Variants in PSMD13 observed in about 807,000 individuals in gnomAD.
PSMD13 encodes 26S proteasome non-ATPase regulatory subunit 13.
In PSMD13, 8 loss-of-function variants were observed where a neutral mutation model predicts 57.4. That is an observed-to-expected ratio of 0.14 (90% confidence interval 0.08 to 0.25). The LOEUF (loss-of-function observed/expected upper bound fraction) is 0.25, where lower values mean the gene tolerates loss of function less well. PSMD13 is among the 10% of genes least tolerant of loss of function. The probability of loss-of-function intolerance (pLI) is 1.00; values close to 1 mark genes in which losing one functional copy is unlikely to be tolerated. For missense variants in PSMD13, 400 were observed against 461.5 expected (o/e 0.87, Z 1.22); for synonymous variants, 193 against 168.2 (o/e 1.15, Z -1.14).
chr11:245,676 G>T (rs12800039), intron 6 of PSMD13, among the ~76,000 whole-genome samples: 1 of 122,664 alleles, frequency 8.2e-6, no homozygotes, highest in African/African-American at 3.2e-5. Context: ...GTGTGTGTGT[G>T]TGTGTTTGCA....
At chr11:249,805 CTG>C (rs1160317666) in intron 9 of PSMD13, among the ~76,000 whole-genome samples, 1 of 152,052 alleles carries the variant, frequency 6.6e-6, no homozygotes. Flanking sequence ...AAAATGTTAA[CTG>C]TGGTAGGAAT....
rs575334060 is a variant in PSMD13, at chr11:251,876, C to T, written c.975C>T (p.Asp325=). ...TGGGGCTGGTGAAAGGCAGTATAGA[C>T]GAGGTGGACAAACGAGTCCACATGA... ...LSVGLVKGSI[D]EVDKRVHMTW... Residue 325 remains aspartate, a synonymous_variant, in exon 12 of 13, where the codon GAC becomes GAT. Transcript: ENST00000532097. The surrounding 1 kb of genome is among the most constrained non-coding windows in gnomAD (Gnocchi z 4.6). 31 of 1,614,142 alleles carry T rather than the reference C, an allele frequency of 1.9e-5. No homozygotes were observed. Among genetic ancestry groups the T allele is most frequent in the African/African-American group, 1.7e-4 (13 of 75,030 alleles).
chr11:250,667 T>A, intron 9 of PSMD13, 136 bp from the exon 10 acceptor site: 2 of 698,388 alleles, frequency 2.9e-6, no homozygotes, highest in South Asian at 1.6e-5. Context: ...TTCAGCAGTC[T>A]GCAATGTGAA....
In PSMD13 at chr11:252,074, T is replaced by C. The variant is rs1859774983; in HGVS notation, c.1035+138T>C. On this transcript the variant is annotated intron_variant, in intron 12 of 12. Coordinates refer to ENST00000532097, the MANE Select transcript of PSMD13 (RefSeq NM_002817.4). The surrounding 1 kb of genome is among the most constrained non-coding windows in gnomAD (Gnocchi z 4.1). ...GAGGTTTTGGAGAAGGAAATACTGC[T>C]GTTGGGTTTTTCTAAGAGCCTAATT... is the stretch of plus-strand genomic sequence containing the variant. 1.2e-6 allele frequency: 1 copy of C among 805,264 alleles called. No homozygotes were observed. Among genetic ancestry groups the C allele is most frequent in the South Asian group, 1.7e-5 (1 of 58,682 alleles). 49.9% of individuals were successfully genotyped at this position (805,264 alleles called of 1,614,324 possible).
Position 247,259 on chromosome 11 carries a change from T to C in PSMD13, c.397-18T>C, listed in dbSNP as rs1238652678. On this transcript the variant is annotated intron_variant, in intron 6 of 12. Transcript: ENST00000532097. ...CTTTTAACTTAAAAAGAGAGATGATTTTCCTTCCTGTGTATAGGAAACAAT... is the reference window on the plus strand; with the variant it reads ...CTTTTAACTTAAAAAGAGAGATGATCTTCCTTCCTGTGTATAGGAAACAAT... 6.3e-7 allele frequency: 1 copy of C among 1,587,380 alleles called. No individual in the cohort carries two copies. The highest frequency in any genetic ancestry group is 8.6e-7 in the Non-Finnish European group (1 of 1,168,986).
rs776471483 is a variant in PSMD13, at chr11:244,740, C to T, written c.375C>T (p.Ile125=). The change falls in exon 6 of 13, where the codon ATC becomes ATT. Residue 125 remains isoleucine (I), a synonymous_variant. Coordinates refer to ENST00000532097, the MANE Select transcript of PSMD13 (RefSeq NM_002817.4). ...CAATTGGAGCTCTAAAATTAAACAT[C>T]GGGGACCTACAGGTTACAAAGGTGA... ...KTAIGALKLN[I]GDLQVTKETI... 42 of 1,612,798 alleles carry T rather than the reference C, an allele frequency of 2.6e-5. No individual in the cohort carries two copies. The highest frequency in any genetic ancestry group is 4.4e-5 in the South Asian group (4 of 91,008).
At position 251,422 on chromosome 11, in the gene PSMD13, T is replaced by G. The variant is rs1424135086; in HGVS notation, c.838-124T>G. On this transcript the variant is annotated intron_variant, in intron 10 of 12. Transcript: ENST00000532097. The surrounding 1 kb of genome is among the most constrained non-coding windows in gnomAD (Gnocchi z 4.6). ...AGATATATGTCTAATATTAGGAAAC[T>G]TTTTAGTATGTGGGGTACTAATAAG... The G allele has an allele frequency of 2.8e-5, 23 of 835,854 alleles. No homozygotes were observed. Among genetic ancestry groups the G allele is most frequent in the Non-Finnish European group, 4.1e-5 (22 of 540,262 alleles). 51.8% of individuals were successfully genotyped at this position (835,854 alleles called of 1,614,324 possible).
Position 249,553 on chromosome 11 carries a change from A to AGAGCGGCGGGTGCGGGGAGGG in PSMD13, c.774+498_774+518dup, listed in dbSNP as rs1182479107. Among the ~76,000 whole-genome samples, 218 of 116,562 alleles carry AGAGCGGCGGGTGCGGGGAGGG rather than the reference A, an allele frequency of 1.9e-3. 4 individuals carry two copies. Among genetic ancestry groups the AGAGCGGCGGGTGCGGGGAGGG allele is most frequent in the African/African-American group, 6.6e-3 (212 of 32,134 alleles). 76.5% of individuals were successfully genotyped at this position (116,562 alleles called of 152,430 possible). On this transcript the variant is annotated intron_variant, in intron 9 of 12. Coordinates refer to ENST00000532097, the MANE Select transcript of PSMD13 (RefSeq NM_002817.4). ...GAGAGCGGTGGGTGCAGGGAGGGGG[A>AGAGCGGCGGGTGCGGGGAGGG]GAGCGGCGGGTGCGGGGAGGGGGAG...
chr11:243,559 G>T (rs1490145979), intron 2 of PSMD13: 3 of 351,738 alleles, frequency 8.5e-6, no homozygotes, highest in African/African-American at 4.3e-5. Context: ...CTTCCACAGT[G>T]GTCTTCTTAT....
intron 2 of PSMD13, chr11:242,977 G>A: frequency 4.7e-6 from 1 of 214,062 alleles, no homozygotes; most frequent in Non-Finnish European, 9.9e-6. Context: ...TGTATTTTTA[G>A]TAGAGACGGG....
At chr11:250,050 T>A (rs1199922396) in intron 9 of PSMD13, among the ~76,000 whole-genome samples, 1 of 151,212 alleles carries the variant, frequency 6.6e-6, no homozygotes, top group African/African-American at 2.4e-5. Context: ...AAAAAAAAAA[T>A]CGTAGATGCA....
chr11:238,030 A>G (rs1161411942), intron 1 of PSMD13, among the ~76,000 whole-genome samples: 1 of 152,256 alleles, frequency 6.6e-6, no homozygotes, highest in Non-Finnish European at 1.5e-5. Flanking sequence ...TGTTTGGCAA[A>G]TAATGGTTTG....
intron 6 of PSMD13, among the ~76,000 whole-genome samples, chr11:245,934 T>G (rs964038313): frequency 3.9e-5 from 6 of 152,120 alleles, no homozygotes; most frequent in Non-Finnish European, 8.8e-5. Context: ...GTAATAGGCA[T>G]CCATGTGCCC....
chr11:247,248 A>T, intron 6 of PSMD13, 29 bp from the exon 7 acceptor site: 1 of 1,585,450 alleles, frequency 6.3e-7, no homozygotes, highest in Non-Finnish European at 8.6e-7. Flanking sequence ...TAACTTAAAA[A>T]GAGAGATGAT....
Position 237,032 on chromosome 11 carries a change from G to C in PSMD13, c.-18G>C, listed in dbSNP as rs747109142. On this transcript the variant is annotated 5_prime_UTR_variant, in exon 1 of 13. Transcript: ENST00000532097. ...GACATCCCGGTTGTTCTTCTGTGCC[G>C]GGGGTCTTCCTGCTGTCATGAAGGA... 1.3e-6 allele frequency: 2 copies of C among 1,596,004 alleles called. No individual in the cohort carries two copies. Among genetic ancestry groups the C allele is most frequent in the Admixed American group, 1.7e-5 (1 of 59,890 alleles).
chr11:243,089 C>T (rs1221577509), intron 2 of PSMD13: 5 of 497,272 alleles, frequency 1.0e-5, no homozygotes, highest in Admixed American at 5.2e-5. Context: ...CCACTGCGCC[C>T]GGATGGTTAC....
At chr11:243,530 A>G in intron 2 of PSMD13, 1 of 337,880 alleles carries the variant, frequency 3.0e-6, no homozygotes, top group South Asian at 2.5e-5. Flanking sequence ...CAACAGCCTT[A>G]CTTATGGGAT....
chr11:238,908 C>A, intron 1 of PSMD13, 90 bp from the exon 2 acceptor site: 1 of 1,245,330 alleles, frequency 8.0e-7, no homozygotes, highest in Non-Finnish European at 1.2e-6. Context: ...GATACCCAAC[C>A]TGTATTTGTG....
Position 250,859 on chromosome 11 carries a change from C to T in PSMD13, c.831C>T (p.Leu277=), listed in dbSNP as rs758682140. 2 of 1,613,824 alleles carry T rather than the reference C, an allele frequency of 1.2e-6. No individual in the cohort carries two copies. Among genetic ancestry groups the T allele is most frequent in the Non-Finnish European group, 1.7e-6 (2 of 1,179,960 alleles). ...TGAGGAAAATTCAGTTGTTGTGCCT[C>T]ATGGAGGTAAGCGAACACCCAGGAG... ...QLLRKIQLLC[L]MEMTFTRPAN... is the part of the protein sequence containing the mutation. Residue 277 remains leucine (L), a synonymous_variant, in exon 10 of 13, where the codon CTC becomes CTT. Coordinates refer to ENST00000532097, the MANE Select transcript of PSMD13 (RefSeq NM_002817.4).
Sources: gnomAD v4.1 joint callset for allele counts (sites outside exome capture counted in the v4.1 genomes callset) on GRCh38, gnomAD v4.1.1 for gene constraint, Gnocchi (gnomAD v3.1) non-coding constraint, MANE v1.5 for transcripts, NCBI Gene and HGNC (gene_info 2026-07-23, HGNC 2026-07-21) for gene names.